The following TGFA variants were observed in gnomAD, a reference collection of about 807,000 sequenced individuals.
The protein encoded by TGFA is transforming growth factor alpha, also known as protransforming growth factor alpha.
Under a neutral mutation model 21.7 loss-of-function variants are expected in TGFA, and 12 were observed. The ratio of observed to expected loss-of-function variants is 0.55; its 90% CI spans 0.35 to 0.90. The LOEUF (loss-of-function observed/expected upper bound fraction) is 0.90. Among genes scored for constraint, TGFA ranks in the 40% least tolerant of loss-of-function variants. TGFA has a pLI of 0.01. For missense variants in TGFA, 178 were observed against 210.8 expected, an observed-to-expected ratio of 0.84 and a Z score of 0.96; for synonymous variants, 79 against 88.1, an observed-to-expected ratio of 0.90 and a Z score of 0.58.
intron 2 of TGFA, among the ~76,000 whole-genome samples, chr2:70,513,114 C>T (rs1014038178): frequency 2.0e-5 from 3 of 152,150 alleles, no homozygotes; most frequent in Non-Finnish European, 4.4e-5. Context: ...CATGGAGATG[C>T]GTGGAGATCA....
At chr2:70,533,149 G>C (rs1337972697) in intron 1 of TGFA, among the ~76,000 whole-genome samples, 1 of 151,988 alleles carries the variant, frequency 6.6e-6, no homozygotes, top group Non-Finnish European at 1.5e-5. Flanking sequence ...GGCGTGAGCC[G>C]CCACGCCCAG....
intron 1 of TGFA, among the ~76,000 whole-genome samples, chr2:70,528,477 G>A (rs1672708805): frequency 6.6e-6 from 1 of 150,776 alleles, no homozygotes; most frequent in African/African-American, 2.4e-5. Context: ...CATGGAAAAG[G>A]CAGGGGTTGG....
At chr2:70,489,444 C>T (rs145343287) in intron 2 of TGFA, among the ~76,000 whole-genome samples, 4 of 152,342 alleles carry the variant, frequency 2.6e-5, no homozygotes, top group Non-Finnish European at 5.9e-5. Context: ...AACGGTGAGC[C>T]GCTGGGCAGA....
chr2:70,458,382 G>A (rs993172932), intron 3 of TGFA, among the ~76,000 whole-genome samples: 4 of 151,990 alleles, frequency 2.6e-5, no homozygotes, highest in Non-Finnish European at 5.9e-5. Context: ...TCCCTGAATC[G>A]TGCACTTCCT....
intron 2 of TGFA, among the ~76,000 whole-genome samples, chr2:70,467,016 G>T (rs1289932346): frequency 2.6e-5 from 4 of 151,820 alleles, no homozygotes; most frequent in Non-Finnish European, 5.9e-5. Context: ...AGTGTGGGGG[G>T]AGTGTTCTCC....
At chr2:70,491,899 G>A (rs1671449751) in intron 2 of TGFA, among the ~76,000 whole-genome samples, 1 of 152,156 alleles carries the variant, frequency 6.6e-6, no homozygotes, top group Non-Finnish European at 1.5e-5. Flanking sequence ...CAAATGAGCT[G>A]CACAATGGCA....
rs1670110602 is a variant in TGFA at position 70,453,120 on chromosome 2, C to A, written c.475+98G>T. ...AAACAGTCTCTTCCTTTTCTCCTCTCTTCCTGCTTCATACTCCAGGAACTT... is the reference window on the plus strand; with the variant it reads ...AAACAGTCTCTTCCTTTTCTCCTCTATTCCTGCTTCATACTCCAGGAACTT... On this transcript the variant is annotated intron_variant, in intron 5 of 5. Transcript: ENST00000295400. 11 of 1,095,330 alleles carry A rather than the reference C, an allele frequency of 1.0e-5. No homozygotes were observed. The East Asian group carries it at 2.6e-4, about 26-fold the overall frequency. The allele number at this position is 1,095,330 out of a possible 1,614,324, so 67.9% of individuals were successfully genotyped here.
At chr2:70,494,016 AT>A (rs1553498026) in intron 2 of TGFA, among the ~76,000 whole-genome samples, 2 of 151,472 alleles carry the variant, frequency 1.3e-5, no homozygotes, top group Non-Finnish European at 2.9e-5. Flanking sequence ...AATGAGTCTT[AT>A]GGGGATAAAC....
At chr2:70,533,271 A>C (rs1164101202) in intron 1 of TGFA, among the ~76,000 whole-genome samples, 1 of 152,162 alleles carries the variant, frequency 6.6e-6, no homozygotes, top group African/African-American at 2.4e-5. Context: ...AAGATGAAGA[A>C]ATTTCGACCC....
rs57880017 is a variant in TGFA, at chr2:70,482,715, CTT to C, written c.95-16981_95-16980del. Among the ~76,000 whole-genome samples, 359 of 148,448 alleles carry C rather than the reference CTT, an allele frequency of 2.4e-3. 1 individual carries two copies. The highest frequency in any genetic ancestry group is 8.6e-3 in the African/African-American group (348 of 40,612). Reference sequence around the variant, plus strand: ...TGTGATCCATTGTTCTGGCTCAAAACTTTTTTTTTTTCTCTTGAGTCTTTATT... The same window carrying C: ...TGTGATCCATTGTTCTGGCTCAAAACTTTTTTTTTCTCTTGAGTCTTTATT... On this transcript the variant is annotated intron_variant, in intron 2 of 5. Transcript: ENST00000295400.
At chr2:70,495,944 A>G (rs1382184709) in intron 2 of TGFA, among the ~76,000 whole-genome samples, 1 of 152,226 alleles carries the variant, frequency 6.6e-6, no homozygotes, top group African/African-American at 2.4e-5. Context: ...TAAGATTTCT[A>G]ATAGGCATTT....
intron 1 of TGFA, among the ~76,000 whole-genome samples, chr2:70,518,823 T>C (rs1238339229): frequency 6.6e-6 from 1 of 152,236 alleles, no homozygotes; most frequent in Admixed American, 6.5e-5. Flanking sequence ...GACCATGTCC[T>C]GCTCTGGCCT....
At chr2:70,549,508 C>A (rs1673420899) in intron 1 of TGFA, among the ~76,000 whole-genome samples, 1 of 152,218 alleles carries the variant, frequency 6.6e-6, no homozygotes, top group Non-Finnish European at 1.5e-5. Flanking sequence ...GCCTGGCCAT[C>A]CATTTTAACC....
At chr2:70,549,607 A>T (rs1574155836) in intron 1 of TGFA, among the ~76,000 whole-genome samples, 1 of 152,244 alleles carries the variant, frequency 6.6e-6, no homozygotes, top group Admixed American at 6.5e-5. Flanking sequence ...TGCCTAATTC[A>T]GTGTGTACAA....
At position 70,453,271 on chromosome 2, in the gene TGFA, T is replaced by G. The variant is rs782700834; in HGVS notation, c.422A>C (p.Glu141Ala). Residue 141 changes from glutamate (E) to alanine (A), a missense_variant, in exon 5 of 6, where the codon GAG becomes GCG. Coordinates refer to ENST00000295400, the MANE Select transcript of TGFA (RefSeq NM_003236.4). ...TCCCTTCAGGAGGGCGCTGGGCTTC[T>G]CGTGCCGGCAGATGAGGGCCCGGCA... Reference protein sequence around the residue: ...EWCRALICRHEKPSALLKGRT... With the variant: ...EWCRALICRHAKPSALLKGRT... The G allele has an allele frequency of 1.2e-6, 2 of 1,614,150 alleles. No homozygotes were observed. The highest frequency in any genetic ancestry group is 4.5e-5 in the East Asian group (2 of 44,876).
intron 2 of TGFA, among the ~76,000 whole-genome samples, chr2:70,492,966 C>T (rs1341972232): frequency 6.6e-6 from 1 of 152,076 alleles, no homozygotes; most frequent in African/African-American, 2.4e-5. Flanking sequence ...AAAACTCATT[C>T]TCACTTAAAA....
intron 5 of TGFA, among the ~76,000 whole-genome samples, chr2:70,452,920 G>T (rs1670102376): frequency 6.6e-6 from 1 of 152,158 alleles, no homozygotes; most frequent in South Asian, 2.1e-4. Flanking sequence ...TCCAGCCTGG[G>T]TGATAGAGTA....
At chr2:70,499,041 C>T (rs555480229) in intron 2 of TGFA, among the ~76,000 whole-genome samples, 1 of 152,290 alleles carries the variant, frequency 6.6e-6, no homozygotes, top group East Asian at 1.9e-4. Flanking sequence ...GTAATTCTAA[C>T]GTGCAGCCAT....
intron 3 of TGFA, among the ~76,000 whole-genome samples, chr2:70,458,191 C>A (rs1312850249): frequency 1.3e-5 from 2 of 152,226 alleles, no homozygotes; most frequent in East Asian, 3.9e-4. Flanking sequence ...CAGGCACTGG[C>A]CCTTTCCTAT....
Sources: allele counts gnomAD v4.1 joint callset (sites outside exome capture counted in the v4.1 genomes callset), GRCh38; gene constraint gnomAD v4.1.1; transcripts MANE v1.5; gene names NCBI Gene and HGNC (gene_info 2026-07-23, HGNC 2026-07-21).